The following LUM variants were observed in gnomAD, a reference collection of about 807,000 sequenced individuals.
The protein encoded by LUM is KSPG lumican.
A neutral mutation model predicts 20.5 loss-of-function variants in LUM; 13 were observed. The observed-to-expected ratio is 0.63, with a 90% CI of 0.41 to 1.01. The LOEUF is 1.01. Ranked by LOEUF, LUM falls within the 50% of genes least tolerant of loss-of-function variation. LUM has a pLI of 0.00. For synonymous variants in LUM, 173 were observed against 151.5 expected (o/e 1.14, Z -1.04); for missense variants, 321 against 391.1 (o/e 0.82, Z 1.51).
intron 1 of LUM, among the ~76,000 whole-genome samples, chr12:91,110,700 A>G (rs1470127671): frequency 6.6e-6 from 1 of 152,210 alleles, no homozygotes. Context: ...CAAAGTAAAA[A>G]CAAGGATGCT....
At position 91,109,095 on chromosome 12, in the gene LUM, A is replaced by G. The variant is rs1006829092; in HGVS notation, c.-21-95T>C. ...ACATTAAATTCATTAGAAAATGTGC[A>G]TTTTGTTATTTTATAGCTATTTTTA... is the stretch of plus-strand genomic sequence containing the variant. On this transcript the variant is annotated intron_variant, in intron 1 of 2. Coordinates refer to ENST00000266718, the MANE Select transcript of LUM (RefSeq NM_002345.4). 7.5e-6 allele frequency: 7 copies of G among 930,836 alleles called. No individual in the cohort carries two copies. In the African/African-American group the frequency reaches 1.2e-4, roughly 16 times the overall value. The allele number at this position is 930,836 out of a possible 1,614,324, so 57.7% of individuals were successfully genotyped here. A position where few individuals can be genotyped will look rare whatever the true frequency, so the allele number is the denominator to read the frequency against.
chr12:91,110,567 G>GTAAATA (rs1880182468), intron 1 of LUM, among the ~76,000 whole-genome samples: 2 of 152,118 alleles, frequency 1.3e-5, no homozygotes, highest in South Asian at 4.1e-4. Flanking sequence ...GTTATAGAAT[G>GTAAATA]TAAATACTGT....
At chr12:91,107,309 GAAAGAAAGAA>G (rs1880094623) in intron 2 of LUM, among the ~76,000 whole-genome samples, 2 of 113,930 alleles carry the variant, frequency 1.8e-5, no homozygotes. Context: ...AAGAAAGAAA[GAAAGAAAGAA>G]AGAAAGAAAG....
rs989708594 is a variant in LUM at position 91,103,069 on chromosome 12, T to C, written c.*1096A>G. 7.2e-5 allele frequency: 11 copies of C among 152,152 alleles called. No individual in the cohort carries two copies. The highest frequency in any genetic ancestry group is 2.4e-4 in the African/African-American group (10 of 41,458). 9.4% of individuals were successfully genotyped at this position (152,152 alleles called of 1,614,324 possible). ...GTATTTATCATTGTATAGAATTGTA[T>C]ATACTCATAGAAAGCTGAAAGCTGT... On this transcript the variant is annotated 3_prime_UTR_variant, in exon 3 of 3. Transcript: ENST00000266718.
At chr12:91,109,068 C>A (rs1880146089) in intron 1 of LUM, 68 bp from the exon 2 acceptor site, 1 of 1,116,562 alleles carries the variant, frequency 9.0e-7, no homozygotes, top group Non-Finnish European at 1.3e-6. Context: ...ATTCAATTTG[C>A]AACATTAAAT....
In LUM at chr12:91,103,635, A is replaced by G. The variant is rs993285824; in HGVS notation, c.*530T>C. On this transcript the variant is annotated 3_prime_UTR_variant, in exon 3 of 3. Transcript: ENST00000266718. The stretch of plus-strand genomic sequence containing the variant: ...AGAAACATACATGACTTAGAGTGAA[A>G]AATAATTCTAGAAAAGTTTCACTAG... The G allele has an allele frequency of 6.6e-6, 1 of 152,302 alleles. No individual in the cohort carries two copies. The highest frequency in any genetic ancestry group is 2.4e-5 in the African/African-American group (1 of 41,460). The allele number at this position is 152,302 out of a possible 1,614,324, so 9.4% of individuals were successfully genotyped here.
intron 1 of LUM, among the ~76,000 whole-genome samples, chr12:91,110,527 C>A (rs926862715): frequency 2.0e-5 from 3 of 152,066 alleles, no homozygotes; most frequent in African/African-American, 7.2e-5. Context: ...CTAAAAAGAA[C>A]GTGATGACAT....
chr12:91,109,817 C>T (rs765514068), intron 1 of LUM, among the ~76,000 whole-genome samples: 7 of 152,168 alleles, frequency 4.6e-5, no homozygotes, highest in Non-Finnish European at 1.0e-4. Context: ...GTTATAGTCT[C>T]TCTCAATTAC....
At chr12:91,109,899 T>C (rs1010619904) in intron 1 of LUM, among the ~76,000 whole-genome samples, 3 of 152,176 alleles carry the variant, frequency 2.0e-5, no homozygotes, top group African/African-American at 7.2e-5. Context: ...TTTAGTGGCC[T>C]CACAGAATGG....
In LUM at chr12:91,103,642, T is replaced by C. The variant is rs1331639903; in HGVS notation, c.*523A>G. On this transcript the variant is annotated 3_prime_UTR_variant, in exon 3 of 3. Transcript: ENST00000266718. ...TACATGACTTAGAGTGAAAAATAAT[T>C]CTAGAAAAGTTTCACTAGGTAAGTA... 1 of 152,244 alleles carries C rather than the reference T, an allele frequency of 6.6e-6. No homozygotes were observed. The highest frequency in any genetic ancestry group is 2.4e-5 in the African/African-American group (1 of 41,452). 9.4% of individuals were successfully genotyped at this position (152,244 alleles called of 1,614,324 possible).
intron 1 of LUM, 71 bp from the exon 2 acceptor site, chr12:91,109,071 C>A: frequency 9.6e-7 from 1 of 1,040,084 alleles, no homozygotes; most frequent in Non-Finnish European, 1.4e-6. Context: ...CAATTTGCAA[C>A]ATTAAATTCA....
At position 91,110,992 on chromosome 12, in the gene LUM, T is replaced by C. The variant is rs1325789792; in HGVS notation, c.-22+406A>G. Reference sequence around the variant, plus strand: ...ACGTTTATTGTAAATTATAACAAATTGTCACAATATGCTTATTAAAAGATA... The same window carrying C: ...ACGTTTATTGTAAATTATAACAAATCGTCACAATATGCTTATTAAAAGATA... On this transcript the variant is annotated intron_variant, in intron 1 of 2. Transcript: ENST00000266718. 2.0e-5 allele frequency among the ~76,000 whole-genome samples: 3 copies of C among 152,214 alleles called. No individual in the cohort carries two copies. The East Asian group carries it at 5.8e-4, about 29-fold the overall frequency.
chr12:91,105,029 G>A (rs1303420173), intron 2 of LUM, among the ~76,000 whole-genome samples: 1 of 152,108 alleles, frequency 6.6e-6, no homozygotes, highest in East Asian at 1.9e-4. Context: ...AACTATGTTT[G>A]CCTATGTCTA....
chr12:91,107,313 G>A (rs1880095312), intron 2 of LUM, among the ~76,000 whole-genome samples: 2 of 115,380 alleles, frequency 1.7e-5, no homozygotes, highest in African/African-American at 3.4e-5. Context: ...AAGAAAGAAA[G>A]AAAGAAAGAA....
Position 91,104,304 on chromosome 12 carries a change from C to A in LUM, c.878G>T (p.Ser293Ile). Residue 293 changes from serine (S) to isoleucine (I), a missense_variant, in exon 3 of 3, where the codon AGC becomes ATC. By Grantham distance (142) the Ser-to-Ile change is moderately radical. Coordinates refer to ENST00000266718, the MANE Select transcript of LUM (RefSeq NM_002345.4). ...TAATGGCCCCAGGATCTTGCAGAAGCTCTTTATGTCAAACTCTAAAAATTA... is the reference window on the plus strand; with the variant it reads ...TAATGGCCCCAGGATCTTGCAGAAGATCTTTATGTCAAACTCTAAAAATTA... Reference protein sequence around the residue: ...VNQLEKFDIKSFCKILGPLSY... With the variant: ...VNQLEKFDIKIFCKILGPLSY... The A allele has an allele frequency of 5.6e-6, 9 of 1,611,622 alleles. No homozygotes were observed. Among genetic ancestry groups the A allele is most frequent in the Non-Finnish European group, 7.6e-6 (9 of 1,178,704 alleles).
At position 91,108,041 on chromosome 12, in the gene LUM, T is replaced by G; in HGVS notation, c.862+77A>C. 1 of 1,492,284 alleles carries G rather than the reference T, an allele frequency of 6.7e-7. No homozygotes were observed. The highest frequency in any genetic ancestry group is 9.3e-7 in the Non-Finnish European group (1 of 1,070,302). 92.4% of individuals were successfully genotyped at this position (1,492,284 alleles called of 1,614,324 possible). On this transcript the variant is annotated intron_variant, in intron 2 of 2. Transcript: ENST00000266718. This position sits in a 1 kb window ranked among gnomAD's most constrained non-coding sequence, Gnocchi z 4.2. ...ATTTTGTTTTTTTAATGGAGCCAGA[T>G]GCAATATCTGTGTTGTGCAGCCCAG...
chr12:91,108,924 T>C lies in LUM; in HGVS notation c.56A>G (p.Gln19Arg), dbSNP rs1880138822. ...TAGGGGAAAATCATAATCATAGTAC[T>C]GGCCACTGGTACCACCAATCAATGC... ...FLALIGGTSG[Q>R]YYDYDFPLSI... The change falls in exon 2 of 3, where the codon CAG (glutamine) becomes CGG (arginine). Residue 19 changes from glutamine to arginine, a missense_variant. Gln to Arg is a conservative substitution (Grantham distance 43, BLOSUM62 1). Transcript: ENST00000266718. This position sits in a 1 kb window ranked among gnomAD's most constrained non-coding sequence, Gnocchi z 4.2. 1 of 1,613,756 alleles carries C rather than the reference T, an allele frequency of 6.2e-7. No individual in the cohort carries two copies. Among genetic ancestry groups the C allele is most frequent in the Non-Finnish European group, 8.5e-7 (1 of 1,179,776 alleles).
At position 91,107,199 on chromosome 12, in the gene LUM, A is replaced by AAAAGAAAGAAAG. The variant is rs71097876; in HGVS notation, c.862+907_862+918dup. Among the ~76,000 whole-genome samples the AAAAGAAAGAAAG allele has an allele frequency of 4.7e-3, 216 of 46,428 alleles. 14 individuals carry two copies. Among genetic ancestry groups the AAAAGAAAGAAAG allele is most frequent in the African/African-American group, 0.017 (191 of 11,334 alleles). The allele number at this position is 46,428 out of a possible 152,430, so 30.5% of individuals were successfully genotyped here. ...AACGAAAGAAAGAAAGAAGGAAAGA[A>AAAAGAAAGAAAG]AAAGAAAGAAAGAAAGAGAGAAAGA... is the stretch of plus-strand genomic sequence containing the variant. On this transcript the variant is annotated intron_variant, in intron 2 of 2. Coordinates refer to ENST00000266718, the MANE Select transcript of LUM (RefSeq NM_002345.4).
intron 2 of LUM, among the ~76,000 whole-genome samples, chr12:91,107,070 T>G (rs1592662222): frequency 6.9e-6 from 1 of 145,546 alleles, no homozygotes; most frequent in East Asian, 2.0e-4. Context: ...CGCCTGAGCC[T>G]GGGGGGTGGA....
Sources: gnomAD v4.1 joint callset for allele counts (sites outside exome capture counted in the v4.1 genomes callset) on GRCh38, gnomAD v4.1.1 for gene constraint, Gnocchi (gnomAD v3.1) non-coding constraint, MANE v1.5 for transcripts, NCBI Gene and HGNC (gene_info 2026-07-23, HGNC 2026-07-21) for gene names.